Variants in ANXA6 observed in about 807,000 individuals in gnomAD.
The protein encoded by ANXA6 is annexin A6.
In ANXA6, 71 loss-of-function variants were observed where a neutral mutation model predicts 95.4. The ratio of observed to expected loss-of-function variants is 0.74; its 90% CI spans 0.61 to 0.91. The LOEUF is 0.91. Ranked by LOEUF, ANXA6 falls within the 40% of genes least tolerant of loss-of-function variation. The probability of loss-of-function intolerance (pLI) is 0.00; values close to 1 mark genes in which losing one functional copy is unlikely to be tolerated. For synonymous variants in ANXA6, 289 were observed against 315.9 expected, an observed-to-expected ratio of 0.91 and a Z score of 0.90; for missense variants, 830 against 876.4, an observed-to-expected ratio of 0.95 and a Z score of 0.67.
At chr5:151,141,962 TC>T (rs1044343474) in intron 2 of ANXA6, among the ~76,000 whole-genome samples, 1 of 152,192 alleles carries the variant, frequency 6.6e-6, no homozygotes, top group Non-Finnish European at 1.5e-5. Flanking sequence ...GGCAGTTTGA[TC>T]CAGAAACCTC....
Position 151,140,257 on chromosome 5 carries a change from A to C in ANXA6, c.19-14T>G. On this transcript the variant is annotated splice_polypyrimidine_tract_variant and intron_variant, in intron 2 of 25. Coordinates refer to ENST00000354546, the MANE Select transcript of ANXA6 (RefSeq NM_001155.5). ...GTACTTGGCACCCTGTGGAGAAAAA[A>C]GTAGAGGGTGAGCTGCCAACCCCGG... is the stretch of plus-strand genomic sequence containing the variant. The C allele has an allele frequency of 6.2e-7, 1 of 1,612,930 alleles. No homozygotes were observed.
At chr5:151,134,370 C>G (rs1035837832) in intron 8 of ANXA6, 57 bp downstream of exon 8, 9 of 1,586,184 alleles carry the variant, frequency 5.7e-6, no homozygotes, top group Non-Finnish European at 7.8e-6. Flanking sequence ...GCCCCAACCT[C>G]TCCCCTCCCA....
intron 20 of ANXA6, among the ~76,000 whole-genome samples, chr5:151,111,637 G>T (rs936423273): frequency 1.3e-5 from 2 of 152,202 alleles, no homozygotes; most frequent in African/African-American, 4.8e-5. Flanking sequence ...TGCCCAGGCT[G>T]GAGTACATTG....
rs188111044 is a variant in ANXA6, at chr5:151,138,679, G to A, written c.317C>T (p.Ser106Leu). Residue 106 changes from serine to leucine, a missense_variant and splice_region_variant, in exon 5 of 26, where the codon TCG (serine) becomes TTG (leucine). Transcript: ENST00000354546. ...ACCACATACACCCCCACTTCTTACCGAGATGGCATCTTTAATTTCTTTGGC... is the reference window on the plus strand; with the variant it reads ...ACCACATACACCCCCACTTCTTACCAAGATGGCATCTTTAATTTCTTTGGC... ...CDAKEIKDAISGIGTDEKCLI... is the reference protein window; with the variant it reads ...CDAKEIKDAILGIGTDEKCLI... 3.2e-5 allele frequency: 51 copies of A among 1,610,332 alleles called. No homozygotes were observed. The highest frequency in any genetic ancestry group is 2.5e-4 in the East Asian group (11 of 44,862).
chr5:151,139,240 G>T, intron 4 of ANXA6, 113 bp downstream of exon 4: 1 of 743,666 alleles, frequency 1.3e-6, no homozygotes, highest in East Asian at 2.7e-5. Context: ...TAAGGTGTCA[G>T]CCCACAGGCT....
chr5:151,131,616 T>G (rs1273615118), intron 10 of ANXA6, among the ~76,000 whole-genome samples: 1 of 152,048 alleles, frequency 6.6e-6, no homozygotes, highest in Non-Finnish European at 1.5e-5. Context: ...GAAAAGGTGT[T>G]TTTTAGACCT....
intron 4 of ANXA6, chr5:151,139,079 C>G (rs959336444): frequency 3.4e-6 from 2 of 589,848 alleles, no homozygotes; most frequent in Non-Finnish European, 6.0e-6. Context: ...GTGTATCTCT[C>G]TCACTATCTG....
At chr5:151,130,964 C>G (rs1006954325) in intron 11 of ANXA6, among the ~76,000 whole-genome samples, 11 of 152,334 alleles carry the variant, frequency 7.2e-5, no homozygotes, top group Admixed American at 1.3e-4. Flanking sequence ...TCCGAGCCGC[C>G]AACCCATTTG....
rs112870160 is a variant in ANXA6, at chr5:151,126,401, C to T, written c.1056+1G>A. ...CAAGCAGGAGGAGGGGAAGGTCTGA[C>T]CTCTACTCGGGCCACTGCACTAAGT... On this transcript the variant is annotated splice_donor_variant, in intron 14 of 25. Coordinates refer to ENST00000354546, the MANE Select transcript of ANXA6 (RefSeq NM_001155.5). LOFTEE classifies it high-confidence loss of function. The T allele has an allele frequency of 3.1e-6, 5 of 1,607,324 alleles. No individual in the cohort carries two copies. The South Asian group carries it at 5.6e-5, about 18-fold the overall frequency.
Position 151,137,639 on chromosome 5 carries a change from C to T in ANXA6, c.319-318G>A, listed in dbSNP as rs143080433. On this transcript the variant is annotated intron_variant, in intron 5 of 25. Coordinates refer to ENST00000354546, the MANE Select transcript of ANXA6 (RefSeq NM_001155.5). ...ATCTCCTTGCTACTGTTCTCACGAT[C>T]GTAAGTTCTTGTGAGATCTGGTTGT... Among the ~76,000 whole-genome samples the T allele has an allele frequency of 4.4e-3, 672 of 152,220 alleles. 3 individuals are homozygous for T. The highest frequency in any genetic ancestry group is 0.034 in the Middle Eastern group (10 of 294).
At chr5:151,156,101 C>T (rs1766230784) in intron 1 of ANXA6, among the ~76,000 whole-genome samples, 1 of 152,252 alleles carries the variant, frequency 6.6e-6, no homozygotes, top group African/African-American at 2.4e-5. Flanking sequence ...TGTATCTCAG[C>T]AGATGCTGCC....
At chr5:151,106,020 AGAGT>A (rs1764686681) in intron 23 of ANXA6, among the ~76,000 whole-genome samples, 1 of 152,174 alleles carries the variant, frequency 6.6e-6, no homozygotes, top group Admixed American at 6.5e-5. Context: ...CTAATGCTTG[AGAGT>A]TACTGATTTA....
intron 15 of ANXA6, 22 bp downstream of exon 15, chr5:151,124,264 G>T: frequency 6.2e-7 from 1 of 1,610,474 alleles, no homozygotes. Context: ...GACCAACCCT[G>T]CTCCCTTCCC....
At chr5:151,143,647 A>C (rs1765895009) in intron 2 of ANXA6, among the ~76,000 whole-genome samples, 1 of 152,152 alleles carries the variant, frequency 6.6e-6, no homozygotes, top group African/African-American at 2.4e-5. Context: ...TAAGGGCAGC[A>C]TGGGACCCAG....
chr5:151,123,036 CAGA>C (rs747895011), intron 15 of ANXA6, 25 bp from the exon 16 acceptor site: 31 of 1,594,748 alleles, frequency 1.9e-5, no homozygotes, highest in Non-Finnish European at 2.4e-5. Context: ...CCACATGCCT[CAGA>C]AGAAGGCCTG....
intron 5 of ANXA6, 49 bp downstream of exon 5, chr5:151,138,629 C>T: frequency 7.2e-7 from 1 of 1,385,792 alleles, no homozygotes. Flanking sequence ...CAGAATCTTC[C>T]CATTAACCAC....
intron 20 of ANXA6, among the ~76,000 whole-genome samples, chr5:151,116,719 G>T (rs1040399286): frequency 1.3e-5 from 2 of 152,196 alleles, no homozygotes; most frequent in Non-Finnish European, 2.9e-5. Flanking sequence ...CCATTTTACA[G>T]ATAATAAACC....
At chr5:151,130,807 A>G (rs1765490409) in intron 11 of ANXA6, among the ~76,000 whole-genome samples, 1 of 152,194 alleles carries the variant, frequency 6.6e-6, no homozygotes, top group Admixed American at 6.5e-5. Flanking sequence ...TGTGCGTCAT[A>G]TGTGTAAAAG....
At chr5:151,118,215 A>G (rs1365166866) in intron 18 of ANXA6, among the ~76,000 whole-genome samples, 2 of 152,078 alleles carry the variant, frequency 1.3e-5, no homozygotes, top group African/African-American at 2.4e-5. Flanking sequence ...TCCTGTACTC[A>G]AAAATTCTGC....
Sources: gnomAD v4.1 joint callset for allele counts (sites outside exome capture counted in the v4.1 genomes callset) on GRCh38, gnomAD v4.1.1 for gene constraint, MANE v1.5 for transcripts, NCBI Gene and HGNC (gene_info 2026-07-23, HGNC 2026-07-21) for gene names.